The following OR6P1 variants were observed in gnomAD, a reference collection of about 807,000 sequenced individuals.
OR6P1 encodes olfactory receptor family 6 subfamily P member 1.
A neutral mutation model predicts 6.6 loss-of-function variants in OR6P1; 5 were observed. The ratio of observed to expected loss-of-function variants is 0.76; its 90% CI spans 0.40 to 1.60. The LOEUF is 1.60. Among genes scored for constraint, OR6P1 ranks in the 40% most tolerant of loss-of-function variants. OR6P1 has a pLI of 0.02. For missense variants in OR6P1, 451 were observed against 383.0 expected (o/e 1.18, Z -1.48); for synonymous variants, 177 against 149.6 (o/e 1.18, Z -1.33).
At chr1:158,563,984 A>C (rs1648035242) in intron 2 of OR6P1, among the ~76,000 whole-genome samples, 1 of 152,196 alleles carries the variant, frequency 6.6e-6, no homozygotes, top group African/African-American at 2.4e-5. Flanking sequence ...TATCTGTTGA[A>C]TGAGGGAATA....
In OR6P1 at chr1:158,562,971, A is replaced by C; in HGVS notation, c.634T>G (p.Leu212Val). Residue 212 changes from leucine to valine, a missense_variant, in exon 3 of 3, where the codon TTG becomes GTG. Leu to Val is a conservative substitution (Grantham distance 32). Coordinates refer to ENST00000641540, the MANE Select transcript of OR6P1 (RefSeq NM_001160325.2). ...GCAGTGTATGATGAAACCACAGCCA[A>C]TAGAGGGAGTAGAATCATCACCAGG... ...LALVMILLPLLAVVSSYTAII... is the reference protein window; with the variant it reads ...LALVMILLPLVAVVSSYTAII... The C allele has an allele frequency of 1.3e-6, 2 of 1,551,730 alleles. No individual in the cohort carries two copies. The highest frequency in any genetic ancestry group is 8.7e-7 in the Non-Finnish European group (1 of 1,147,004).
chr1:158,567,239 T>C (rs1336917524), intron 1 of OR6P1, among the ~76,000 whole-genome samples: 1 of 152,104 alleles, frequency 6.6e-6, no homozygotes, highest in Admixed American at 6.5e-5. Flanking sequence ...AGTGTGGTGA[T>C]TCCTCAGGGA....
rs1022503289 is a variant in OR6P1, at chr1:158,562,875, G to A, written c.730C>T (p.His244Tyr). 1 of 1,552,012 alleles carries A rather than the reference G, an allele frequency of 6.4e-7. No homozygotes were observed. The highest frequency in any genetic ancestry group is 2.4e-5 in the East Asian group (1 of 40,910). The stretch of plus-strand genomic sequence containing the variant: ...TAGTAGATAACAACCACTGCCAGAT[G>A]AGCGGCACAAGTGGAAAAGGCTTTG... ...RHKAFSTCAA[H>Y]LAVVVIYYSS... Residue 244 changes from histidine to tyrosine, a missense_variant, in exon 3 of 3, where the codon CAT (histidine) becomes TAT (tyrosine). Physicochemically the swap from His to Tyr is moderately conservative, Grantham distance 83. Coordinates refer to ENST00000641540, the MANE Select transcript of OR6P1 (RefSeq NM_001160325.2).
In OR6P1 at chr1:158,563,161, AGAG is replaced by A; in HGVS notation, c.441_443del (p.Ser148del). ...TGGAGCTGAAGAAGCCACTGCCCCA[AGAG>A]GCAGCAGCAAGGCGAGTGGCCAGAC... On this transcript the variant is annotated inframe_deletion, in exon 3 of 3. Coordinates refer to ENST00000641540, the MANE Select transcript of OR6P1 (RefSeq NM_001160325.2). 6.4e-7 allele frequency: 1 copy of A among 1,551,612 alleles called. No homozygotes were observed. The highest frequency in any genetic ancestry group is 2.4e-5 in the East Asian group (1 of 40,914).
rs1466102149 is a variant in OR6P1, at chr1:158,562,862, A to G, written c.743T>C (p.Val248Ala). ...FSTCAAHLAV[V>A]VIYYSSTLFT... ...GAGAGTGGAGGAGTAGTAGATAACA[A>G]CCACTGCCAGATGAGCGGCACAAGT... Residue 248 changes from valine (V) to alanine (A), a missense_variant, in exon 3 of 3, where the codon GTT (valine) becomes GCT (alanine). Transcript: ENST00000641540. The G allele has an allele frequency of 1.1e-5, 17 of 1,551,922 alleles. No homozygotes were observed. The highest frequency in any genetic ancestry group is 1.5e-5 in the Non-Finnish European group (17 of 1,147,092).
At position 158,563,540 on chromosome 1, in the gene OR6P1, G is replaced by A. The variant is rs184176637; in HGVS notation, c.65C>T (p.Pro22Leu). The change falls in exon 3 of 3, where the codon CCC becomes CTC. Residue 22 changes from proline (P) to leucine (L), a missense_variant. Transcript: ENST00000641540. Reference protein sequence around the residue: ...FVLVGFPTTPPLQLLLFVLFF... With the variant: ...FVLVGFPTTPLLQLLLFVLFF... ...AAGGACAAAGAGGAGCAGCTGGAGG[G>A]GAGGCGTGGTAGGGAAACCCACCAA... 4.8e-4 allele frequency: 743 copies of A among 1,550,940 alleles called. 2 individuals carry two copies. The African/African-American group carries it at 9.1e-3, about 19-fold the overall frequency.
Position 158,563,309 on chromosome 1 carries a change from G to T in OR6P1, c.296C>A (p.Thr99Asn), listed in dbSNP as rs770626700. The change falls in exon 3 of 3, where the codon ACC becomes AAC. Residue 99 changes from threonine (T) to asparagine (N), a missense_variant. Thr to Asn is a moderately conservative substitution (Grantham distance 65). Coordinates refer to ENST00000641540, the MANE Select transcript of OR6P1 (RefSeq NM_001160325.2). ...TAAGGCAATAAAGAAGTACAGTTGGGTCATGCAACCTACGTAGGAGACTCT... is the reference window on the plus strand; with the variant it reads ...TAAGGCAATAAAGAAGTACAGTTGGTTCATGCAACCTACGTAGGAGACTCT... ...DGRVSYVGCM[T>N]QLYFFIALAC... 114 of 1,551,378 alleles carry T rather than the reference G, an allele frequency of 7.3e-5. No individual in the cohort carries two copies. Among genetic ancestry groups the T allele is most frequent in the Non-Finnish European group, 9.6e-5 (110 of 1,146,956 alleles).
At chr1:158,568,161 C>T (rs185262620) in intron 1 of OR6P1, among the ~76,000 whole-genome samples, 1 of 152,260 alleles carries the variant, frequency 6.6e-6, no homozygotes, top group East Asian at 1.9e-4. Context: ...TATTCTTTTC[C>T]TGCTCCCAGT....
At chr1:158,564,690 C>T (rs1342151741) in intron 2 of OR6P1, among the ~76,000 whole-genome samples, 1 of 152,168 alleles carries the variant, frequency 6.6e-6, no homozygotes, top group African/African-American at 2.4e-5. Context: ...CCAAGTGATA[C>T]TGATTTTGGA....
In OR6P1 at chr1:158,560,889, T is replaced by A. The variant is rs1339675978; in HGVS notation, c.*1762A>T. The stretch of plus-strand genomic sequence containing the variant: ...GATATCCTTAATACATTCATCATCC[T>A]CCCAGTCCAGAGGTCATTTGCTGCT... On this transcript the variant is annotated 3_prime_UTR_variant, in exon 3 of 3. Transcript: ENST00000641540. 1.3e-5 allele frequency: 2 copies of A among 152,152 alleles called. No homozygotes were observed. The highest frequency in any genetic ancestry group is 2.9e-5 in the Non-Finnish European group (2 of 68,024). 9.4% of individuals were successfully genotyped at this position (152,152 alleles called of 1,614,324 possible). A position where few individuals can be genotyped will look rare whatever the true frequency, so the allele number is the denominator to read the frequency against.
At chr1:158,563,668 C>A (rs1439082026) in intron 2 of OR6P1, 42 bp from the exon 3 acceptor site, 8 of 1,002,798 alleles carry the variant, frequency 8.0e-6, no homozygotes, top group South Asian at 3.0e-5. Context: ...TGAAAGATAG[C>A]TGCAACAAAC....
At position 158,563,421 on chromosome 1, in the gene OR6P1, A is replaced by G. The variant is rs1648012859; in HGVS notation, c.184T>C (p.Phe62Leu). Residue 62 changes from phenylalanine (F) to leucine (L), a missense_variant, in exon 3 of 3, where the codon TTC becomes CTC. Coordinates refer to ENST00000641540, the MANE Select transcript of OR6P1 (RefSeq NM_001160325.2). ...APSLHRPMYF[F>L]LGHLSFLELW... ...TCCAGGAAAGAGAGATGGCCAAGGA[A>G]AAAGTACATGGGACGATGAAGGCTT... 1 of 1,551,384 alleles carries G rather than the reference A, an allele frequency of 6.4e-7. No individual in the cohort carries two copies. The highest frequency in any genetic ancestry group is 8.7e-7 in the Non-Finnish European group (1 of 1,146,838).
intron 2 of OR6P1, among the ~76,000 whole-genome samples, chr1:158,563,860 T>A (rs1648033254): frequency 6.6e-6 from 1 of 152,180 alleles, no homozygotes; most frequent in Non-Finnish European, 1.5e-5. Context: ...ACTTTCTGAG[T>A]GATTTCAGAA....
In OR6P1 at chr1:158,563,479, A is replaced by T. The variant is rs1435959604; in HGVS notation, c.126T>A (p.Asn42Lys). Reference protein sequence around the residue: ...FAIYLLTLLENALIVFTIWLA... With the variant: ...FAIYLLTLLEKALIVFTIWLA... Reference sequence around the variant, plus strand: ...GCCATATTGTGAAGACAATAAGTGCATTCTCCAACAATGTCAGAAGGTAAA... The same window carrying T: ...GCCATATTGTGAAGACAATAAGTGCTTTCTCCAACAATGTCAGAAGGTAAA... Residue 42 changes from asparagine to lysine, a missense_variant, in exon 3 of 3, where the codon AAT (asparagine) becomes AAA (lysine). Transcript: ENST00000641540. 1.0e-5 allele frequency: 16 copies of T among 1,551,372 alleles called. No individual in the cohort carries two copies. Among genetic ancestry groups the T allele is most frequent in the Non-Finnish European group, 1.2e-5 (14 of 1,146,838 alleles).
At chr1:158,565,821 T>C (rs74774601) in intron 2 of OR6P1, among the ~76,000 whole-genome samples, 1 of 152,196 alleles carries the variant, frequency 6.6e-6, no homozygotes, top group East Asian at 1.9e-4. Context: ...TGATGTACCA[T>C]AGCTCCATGA....
At chr1:158,565,482 A>G (rs2101717447) in intron 2 of OR6P1, among the ~76,000 whole-genome samples, 1 of 152,238 alleles carries the variant, frequency 6.6e-6, no homozygotes, top group South Asian at 2.1e-4. Context: ...ATTTCTCTGT[A>G]TCATCTACCT....
rs1260894693 is a variant in OR6P1, at chr1:158,566,755, C to T, written c.-23+9G>A. ...TGCACTGCATAAAATTGGTGAAATT[C>T]CAACCTACCAGGGTCAGTCCTGAGG... On this transcript the variant is annotated intron_variant, in intron 2 of 2. Coordinates refer to ENST00000641540, the MANE Select transcript of OR6P1 (RefSeq NM_001160325.2). 6.6e-6 allele frequency: 1 copy of T among 151,984 alleles called. No individual in the cohort carries two copies. Among genetic ancestry groups the T allele is most frequent in the Non-Finnish European group, 1.5e-5 (1 of 68,000 alleles). 9.4% of individuals were successfully genotyped at this position (151,984 alleles called of 1,614,324 possible).
rs745758529 is a variant in OR6P1 at position 158,562,745 on chromosome 1, G to A, written c.860C>T (p.Pro287Leu). 4 of 1,559,288 alleles carry A rather than the reference G, an allele frequency of 2.6e-6. No homozygotes were observed. The African/African-American group carries it at 5.5e-5, about 21-fold the overall frequency. ...LYTIIVPFFN[P>L]AIYCLRNKEV... is the part of the protein sequence containing the mutation. Reference sequence around the variant, plus strand: ...CTTGTTCCTCAGGCAGTAGATGGCTGGGTTGAAGAATGGTACAATGATAGT... The same window carrying A: ...CTTGTTCCTCAGGCAGTAGATGGCTAGGTTGAAGAATGGTACAATGATAGT... The change falls in exon 3 of 3, where the codon CCA becomes CTA. Residue 287 changes from proline to leucine, a missense_variant. Coordinates refer to ENST00000641540, the MANE Select transcript of OR6P1 (RefSeq NM_001160325.2).
chr1:158,570,141 C>T (rs979733468), intron 1 of OR6P1, among the ~76,000 whole-genome samples: 3 of 152,190 alleles, frequency 2.0e-5, no homozygotes, highest in African/African-American at 7.2e-5. Context: ...CCCTTTCCCA[C>T]ACATATTTTC....
Sources: allele counts gnomAD v4.1 joint callset (sites outside exome capture counted in the v4.1 genomes callset), GRCh38; gene constraint gnomAD v4.1.1; transcripts MANE v1.5; gene names NCBI Gene and HGNC (gene_info 2026-07-23, HGNC 2026-07-21).